INTS4: variants seen among roughly 807,000 people sequenced by gnomAD.
INTS4 encodes integrator complex subunit 4.
Under a neutral mutation model 119.5 loss-of-function variants are expected in INTS4, and 70 were observed. The ratio of observed to expected loss-of-function variants is 0.59; its 90% confidence interval spans 0.48 to 0.71. The LOEUF (loss-of-function observed/expected upper bound fraction) is 0.71. Ranked by LOEUF, INTS4 falls within the 30% of genes least tolerant of loss-of-function variation. The pLI, the probability that INTS4 is intolerant of heterozygous loss-of-function variation, is 0.00. For synonymous variants in INTS4, 316 were observed against 419.6 expected, an observed-to-expected ratio of 0.75 and a Z score of 3.02; for missense variants, 867 against 1,173.2, an observed-to-expected ratio of 0.74 and a Z score of 3.81.
At chr11:77,931,156 T>C (rs2136502375) in intron 10 of INTS4, among the ~76,000 whole-genome samples, 1 of 152,194 alleles carries the variant, frequency 6.6e-6, no homozygotes, top group East Asian at 1.9e-4. Flanking sequence ...CTTTCTGTAA[T>C]ATGTGATCCC....
intron 19 of INTS4, among the ~76,000 whole-genome samples, chr11:77,892,246 A>G (rs946960803): frequency 6.6e-6 from 1 of 152,218 alleles, no homozygotes; most frequent in African/African-American, 2.4e-5. Context: ...GATTGCTTCA[A>G]TGGAGCTTAC....
chr11:77,947,129 A>G (rs1954068104), intron 8 of INTS4, among the ~76,000 whole-genome samples: 2 of 151,622 alleles, frequency 1.3e-5, no homozygotes, highest in South Asian at 4.1e-4. Context: ...AAAACAAGTA[A>G]GAATAAAAAA....
In INTS4 at chr11:77,976,769, C is replaced by G. The variant is rs112125677; in HGVS notation, c.471+2227G>C. On this transcript the variant is annotated intron_variant, in intron 4 of 22. Transcript: ENST00000534064. ...CCATAAAAAATGATGAGTTCATGTC[C>G]TTTGTAGGGACATGGATGAAGCTGG... is the stretch of plus-strand genomic sequence containing the variant. 5.8e-3 allele frequency among the ~76,000 whole-genome samples: 884 copies of G among 152,306 alleles called. 9 individuals carry two copies. The highest frequency in any genetic ancestry group is 0.02 in the African/African-American group (837 of 41,568).
Position 77,981,469 on chromosome 11 carries a change from C to T in INTS4, c.354G>A (p.Leu118=), listed in dbSNP as rs185218694. The change falls in exon 3 of 23, where the codon CTG becomes CTA. Residue 118 remains leucine, a synonymous_variant. Transcript: ENST00000534064. ...TAAATTGCAACTTACTTTCATTCTG[C>T]AGGATGTTGATGGCATCATCCATAA... ...DCIMDDAINI[L]QNEKSHQVLA... 68 of 1,497,938 alleles carry T rather than the reference C, an allele frequency of 4.5e-5. 1 individual carries two copies. In the Middle Eastern group the frequency reaches 2.6e-3, roughly 58 times the overall value. The allele number at this position is 1,497,938 out of a possible 1,614,324, so 92.8% of individuals were successfully genotyped here.
At position 77,961,091 on chromosome 11, in the gene INTS4, T is replaced by G; in HGVS notation, c.519A>C (p.Leu173Phe). ...TCTCCAAAGAGCCAAGATTGCCAAG[T>G]AACTGCAGGCACTTATTTCTTACAC... is the stretch of plus-strand genomic sequence containing the variant. ...SHGVRNKCLQ[L>F]LGNLGSLEKS... The change falls in exon 5 of 23, where the codon TTA (leucine) becomes TTC (phenylalanine). Residue 173 changes from leucine (L) to phenylalanine (F), a missense_variant. Physicochemically the swap from Leu to Phe is conservative, Grantham distance 22. Transcript: ENST00000534064. 6.2e-7 allele frequency: 1 copy of G among 1,601,350 alleles called. No individual in the cohort carries two copies. Among genetic ancestry groups the G allele is most frequent in the Non-Finnish European group, 8.5e-7 (1 of 1,177,852 alleles).
rs1951686633 is a variant in INTS4 at position 77,878,963 on chromosome 11, GT to G, written c.2877del (p.Lys959AsnfsTer16). The G allele has an allele frequency of 1.2e-6, 2 of 1,613,840 alleles. No homozygotes were observed. Among genetic ancestry groups the G allele is most frequent in the African/African-American group, 2.7e-5 (2 of 74,898 alleles). ...CTGTTTTTGCCTTAGCGCCGTGCAG[GT>G]TTGGGCATTATATAAACTTTTACAG... ...SKPVKVYIMP[K>X]PARR On this transcript the variant is annotated frameshift_variant, in exon 23 of 23. Coordinates refer to ENST00000534064, the MANE Select transcript of INTS4 (RefSeq NM_033547.4). LOFTEE classifies it high-confidence loss of function.
intron 12 of INTS4, chr11:77,922,797 C>G (rs1033836136): frequency 1.1e-5 from 4 of 359,850 alleles, no homozygotes; most frequent in African/African-American, 4.2e-5. Flanking sequence ...AGCCCAAGAG[C>G]TGAACCACTA....
At chr11:77,932,700 C>T (rs149532236) in intron 10 of INTS4, among the ~76,000 whole-genome samples, 2,976 of 152,130 alleles carry the variant, frequency 0.02, 83 homozygotes, top group African/African-American at 0.063. Flanking sequence ...GACTTGGAAC[C>T]AACCCAAAGG....
Position 77,878,900 on chromosome 11 carries a change from A to T in INTS4, c.*49T>A. 6.9e-7 allele frequency: 1 copy of T among 1,440,560 alleles called. No individual in the cohort carries two copies. Among genetic ancestry groups the T allele is most frequent in the Non-Finnish European group, 9.8e-7 (1 of 1,023,106 alleles). The allele number at this position is 1,440,560 out of a possible 1,614,324, so 89.2% of individuals were successfully genotyped here. ...AGTGCTTCAGGCTTGGCTCATTCTG[A>T]CACCTAAGAAGGGCCCTCTAGGCCA... On this transcript the variant is annotated 3_prime_UTR_variant, in exon 23 of 23. Coordinates refer to ENST00000534064, the MANE Select transcript of INTS4 (RefSeq NM_033547.4).
At chr11:77,914,216 A>G (rs1001153249) in intron 15 of INTS4, among the ~76,000 whole-genome samples, 3 of 152,222 alleles carry the variant, frequency 2.0e-5, no homozygotes, top group Non-Finnish European at 4.4e-5. Context: ...AACTTAGGAC[A>G]GTGATCTGGC....
Position 77,979,768 on chromosome 11 carries a change from A to G in INTS4, c.365-666T>C, listed in dbSNP as rs1856124249. 2.0e-5 allele frequency among the ~76,000 whole-genome samples: 3 copies of G among 151,700 alleles called. No homozygotes were observed. In the South Asian group the frequency reaches 6.2e-4, roughly 31 times the overall value. On this transcript the variant is annotated intron_variant, in intron 3 of 22. Transcript: ENST00000534064. Reference sequence around the variant, plus strand: ...GCTGAGGCGGGCAGATCATGAGGTCAGGAATTCGAGACCAGCCTGACCAAC... The same window carrying G: ...GCTGAGGCGGGCAGATCATGAGGTCGGGAATTCGAGACCAGCCTGACCAAC...
rs566109802 is a variant in INTS4, at chr11:77,957,194, A to G, written c.798-1132T>C. Among the ~76,000 whole-genome samples the G allele has an allele frequency of 2.3e-3, 356 of 152,202 alleles. 3 individuals carry two copies. The highest frequency in any genetic ancestry group is 3.9e-3 in the Non-Finnish European group (263 of 68,002). ...GCAATCCACCCGCCTCAGCCTCCCAAAGTGCTAGGATTACAGGGCTGAGTC... is the reference window on the plus strand; with the variant it reads ...GCAATCCACCCGCCTCAGCCTCCCAGAGTGCTAGGATTACAGGGCTGAGTC... On this transcript the variant is annotated intron_variant, in intron 7 of 22. Coordinates refer to ENST00000534064, the MANE Select transcript of INTS4 (RefSeq NM_033547.4).
intron 4 of INTS4, among the ~76,000 whole-genome samples, chr11:77,964,711 A>G (rs1259316688): frequency 6.6e-6 from 1 of 151,894 alleles, no homozygotes; most frequent in Non-Finnish European, 1.5e-5. Flanking sequence ...GGAAGGAATG[A>G]GGAAGGGCAA....
At position 77,961,058 on chromosome 11, in the gene INTS4, G is replaced by A. The variant is rs1196631551; in HGVS notation, c.552C>T (p.Val184=). The A allele has an allele frequency of 1.2e-6, 2 of 1,609,144 alleles. No individual in the cohort carries two copies. The highest frequency in any genetic ancestry group is 1.1e-5 in the South Asian group (1 of 90,944). The change falls in exon 5 of 23, where the codon GTC becomes GTT. Residue 184 remains valine, a synonymous_variant. Coordinates refer to ENST00000534064, the MANE Select transcript of INTS4 (RefSeq NM_033547.4). ...CAGCTAGGCCTTCTGCATCTTTTGT[G>A]ACACTTTTCTCCAAAGAGCCAAGAT... ...LGNLGSLEKS[V]TKDAEGLAAR... is the part of the protein sequence containing the mutation.
At chr11:77,937,188 A>G (rs1376498865) in intron 10 of INTS4, among the ~76,000 whole-genome samples, 6 of 152,092 alleles carry the variant, frequency 3.9e-5, no homozygotes, top group Non-Finnish European at 8.8e-5. Context: ...CCGAAAAAAA[A>G]AGAGAGAGAA....
intron 11 of INTS4, among the ~76,000 whole-genome samples, chr11:77,928,036 G>A (rs1330917179): frequency 6.6e-6 from 1 of 152,136 alleles, no homozygotes; most frequent in Non-Finnish European, 1.5e-5. Flanking sequence ...GCCTAGTTAA[G>A]TCCTACTCCT....
intron 12 of INTS4, among the ~76,000 whole-genome samples, chr11:77,923,811 C>T (rs1489832838): frequency 1.4e-5 from 2 of 147,832 alleles, no homozygotes; most frequent in African/African-American, 2.5e-5. Context: ...GCTGCCCAGG[C>T]TGGCATGCAG....
chr11:77,943,141 C>T (rs1030108286), intron 8 of INTS4, among the ~76,000 whole-genome samples: 7 of 152,142 alleles, frequency 4.6e-5, no homozygotes, highest in South Asian at 2.1e-4. Flanking sequence ...CAGTAAGTTG[C>T]TTCATCCATA....
intron 12 of INTS4, among the ~76,000 whole-genome samples, chr11:77,923,784 A>G (rs937900861): frequency 8.1e-6 from 1 of 123,550 alleles, no homozygotes; most frequent in Non-Finnish European, 1.7e-5. Context: ...TTTTTTTTTG[A>G]GACTGAGTCT....
Sources: gnomAD v4.1 joint callset for allele counts (sites outside exome capture counted in the v4.1 genomes callset) on GRCh38, gnomAD v4.1.1 for gene constraint, MANE v1.5 for transcripts, NCBI Gene and HGNC (gene_info 2026-07-23, HGNC 2026-07-21) for gene names.